Variants in RAP1GAP2 observed in about 807,000 individuals in gnomAD.
The protein encoded by RAP1GAP2 is RAP1 GTPase activating protein 2.
RAP1GAP2 carries 27 observed loss-of-function variants against 95.0 expected under a neutral mutation model. The observed-to-expected ratio is 0.28, with a 90% CI of 0.21 to 0.39. The LOEUF (loss-of-function observed/expected upper bound fraction) is 0.39, where lower values mean the gene tolerates loss of function less well. Ranked by LOEUF, RAP1GAP2 falls within the 10% of genes least tolerant of loss-of-function variation. RAP1GAP2 has a pLI of 1.00. For synonymous variants in RAP1GAP2, 373 were observed against 380.9 expected (o/e 0.98, Z 0.24); for missense variants, 771 against 970.0 (o/e 0.79, Z 2.72).
chr17:2,790,805 G>A (rs962650975), intron 1 of RAP1GAP2, among the ~76,000 whole-genome samples: 8 of 152,194 alleles, frequency 5.3e-5, no homozygotes, highest in South Asian at 2.1e-4. Flanking sequence ...GTCCTGCCCC[G>A]AGGGCCAGGG....
chr17:2,932,584 CAAAAAAAAAAAA>C lies in RAP1GAP2; in HGVS notation c.166-25166_166-25155del, dbSNP rs71153311. Among the ~76,000 whole-genome samples the C allele has an allele frequency of 3.8e-5, 2 of 52,328 alleles. 1 individual carries two copies. The highest frequency in any genetic ancestry group is 7.3e-5 in the Non-Finnish European group (2 of 27,348). 34.3% of individuals were successfully genotyped at this position (52,328 alleles called of 152,430 possible). A position where few individuals can be genotyped will look rare whatever the true frequency, so the allele number is the denominator to read the frequency against. ...TGGGTGACAGAGTGAGACTCCATCT[CAAAAAAAAAAAA>C]AAAAAAAAGAGGAGCTCGAGACCAG... On this transcript the variant is annotated intron_variant, in intron 3 of 24. Coordinates refer to ENST00000254695, the MANE Select transcript of RAP1GAP2 (RefSeq NM_015085.5).
At chr17:2,929,610 T>C (rs1006886158) in intron 3 of RAP1GAP2, among the ~76,000 whole-genome samples, 1 of 152,212 alleles carries the variant, frequency 6.6e-6, no homozygotes, top group Non-Finnish European at 1.5e-5. Flanking sequence ...TTTCCCTGCA[T>C]GTGCCTCATG....
intron 8 of RAP1GAP2, among the ~76,000 whole-genome samples, chr17:2,973,322 G>A (rs1393857932): frequency 6.6e-6 from 1 of 151,962 alleles, no homozygotes; most frequent in Non-Finnish European, 1.5e-5. Context: ...TCGAGACCAG[G>A]CTGGCCAATG....
chr17:2,769,632 C>G (rs1319135975), intron 1 of RAP1GAP2, among the ~76,000 whole-genome samples: 4 of 152,128 alleles, frequency 2.6e-5, no homozygotes, highest in Non-Finnish European at 5.9e-5. Context: ...AGTCCAATGT[C>G]TTAGCCCTGT....
chr17:2,938,492 G>T (rs2043373260), intron 3 of RAP1GAP2, among the ~76,000 whole-genome samples: 1 of 152,140 alleles, frequency 6.6e-6, no homozygotes, highest in Non-Finnish European at 1.5e-5. Context: ...TCCCTGGGCT[G>T]AGCCGGGGCT....
At position 3,026,973 on chromosome 17, in the gene RAP1GAP2, C is replaced by T. The variant is rs1042457722; in HGVS notation, c.2010C>T (p.Phe670=). ...GCCAGCCGTCCACGACCTCACCCTT[C>T]AAGCAGGAGGTGTTTGTCTACAGCC... ...GGSQPSTTSP[F]KQEVFVYSPS... The change falls in exon 22 of 25, where the codon TTC becomes TTT. Residue 670 remains phenylalanine (F), a synonymous_variant. Transcript: ENST00000254695. 1 of 1,554,244 alleles carries T rather than the reference C, an allele frequency of 6.4e-7. No individual in the cohort carries two copies.
At position 3,016,778 on chromosome 17, in the gene RAP1GAP2, A is replaced by G. The variant is rs575075610; in HGVS notation, c.1495-1283A>G. Among the ~76,000 whole-genome samples the G allele has an allele frequency of 1.3e-3, 200 of 152,336 alleles. 1 individual carries two copies. Among genetic ancestry groups the G allele is most frequent in the Non-Finnish European group, 2.2e-3 (152 of 68,026 alleles). On this transcript the variant is annotated intron_variant, in intron 17 of 24. Transcript: ENST00000254695. ...TATTCTCACAACTACTCTGTGGTGT[A>G]GACACCAACATCTCTTTCACTCTAA...
intron 1 of RAP1GAP2, among the ~76,000 whole-genome samples, chr17:2,759,785 C>T (rs2071210383): frequency 1.3e-5 from 2 of 152,034 alleles, no homozygotes; most frequent in Admixed American, 1.3e-4. Flanking sequence ...CAGGTTTTCA[C>T]CATGTTGCCC....
chr17:2,988,068 G>A (rs927996358), intron 11 of RAP1GAP2, among the ~76,000 whole-genome samples: 11 of 152,168 alleles, frequency 7.2e-5, no homozygotes, highest in Admixed American at 5.9e-4. Flanking sequence ...AAATTAGCCA[G>A]GAGTGGTGGT....
At chr17:2,913,293 C>CTT (rs1387658970) in intron 3 of RAP1GAP2, among the ~76,000 whole-genome samples, 9 of 149,606 alleles carry the variant, frequency 6.0e-5, no homozygotes, top group African/African-American at 2.2e-4. Flanking sequence ...TAATTCTGTT[C>CTT]TCTTTTTTTT....
At chr17:2,780,579 G>T (rs2068623091) in intron 1 of RAP1GAP2, among the ~76,000 whole-genome samples, 1 of 152,212 alleles carries the variant, frequency 6.6e-6, no homozygotes, top group Non-Finnish European at 1.5e-5. Context: ...AGGTCACAGA[G>T]TGGGGAAGGT....
rs761439874 is a variant in RAP1GAP2, at chr17:2,998,335, G to A, written c.1159G>A (p.Val387Met). 1.1e-5 allele frequency: 17 copies of A among 1,613,872 alleles called. No homozygotes were observed. In the Admixed American group the frequency reaches 1.5e-4, roughly 14 times the overall value. ...ASNFLHAYIV[V>M]QVETPGTETP... ...CAATTTCTTACATGCCTACATCGTC[G>A]TGCAGGTCGAGACCCCAGGCACAGA... Residue 387 changes from valine (V) to methionine (M), a missense_variant, in exon 14 of 25, where the codon GTG becomes ATG. Transcript: ENST00000254695.
At chr17:2,793,840 C>T (rs2068994891), upstream of RAP1GAP2, among the ~76,000 whole-genome samples, 1 of 152,132 alleles carries the variant, frequency 6.6e-6, no homozygotes, top group Admixed American at 6.6e-5. Flanking sequence ...GTGGCTCCCG[C>T]CTGGAATCCC....
intron 3 of RAP1GAP2, among the ~76,000 whole-genome samples, chr17:2,914,591 C>T (rs1015950443): frequency 6.6e-6 from 1 of 150,804 alleles, no homozygotes; most frequent in Non-Finnish European, 1.5e-5. Flanking sequence ...CCTGGGTTCA[C>T]ACCATTCTCC....
In RAP1GAP2 at chr17:3,029,905, C is replaced by T. The variant is rs1223803213; in HGVS notation, c.2108-1017C>T. Among the ~76,000 whole-genome samples, 3 of 152,102 alleles carry T rather than the reference C, an allele frequency of 2.0e-5. No individual in the cohort carries two copies. The East Asian group carries it at 5.8e-4, about 29-fold the overall frequency. On this transcript the variant is annotated intron_variant, in intron 22 of 24. Transcript: ENST00000254695. This position sits in a 1 kb window ranked among gnomAD's most constrained non-coding sequence, Gnocchi z 4.4. The stretch of plus-strand genomic sequence containing the variant: ...AAGTCCCATATGTCCAACTGATTCT[C>T]ACAGAATGCTTTTAGTGGTGTTTGC...
At chr17:2,761,332 A>G (rs11868975) in intron 1 of RAP1GAP2, among the ~76,000 whole-genome samples, 11,540 of 137,944 alleles carry the variant, frequency 0.084, 661 homozygotes, top group African/African-American at 0.19. Flanking sequence ...CTTGTTGCCC[A>G]GGCTGGAGTG....
chr17:2,828,277 G>A (rs905360585), intron 2 of RAP1GAP2, among the ~76,000 whole-genome samples: 7 of 152,110 alleles, frequency 4.6e-5, no homozygotes, highest in Non-Finnish European at 8.8e-5. Flanking sequence ...GGAGGCGGAG[G>A]TTGCAGTGAG....
At chr17:2,847,891 A>G (rs915800749) in intron 2 of RAP1GAP2, among the ~76,000 whole-genome samples, 4 of 152,190 alleles carry the variant, frequency 2.6e-5, no homozygotes, top group African/African-American at 9.7e-5. Context: ...GAAATTTCAC[A>G]CACAGAAGGA....
rs560321746 is a variant in RAP1GAP2, at chr17:3,037,587, A to C, written c.*4226A>C. On this transcript the variant is annotated 3_prime_UTR_variant, in exon 25 of 25. Transcript: ENST00000254695. Reference sequence around the variant, plus strand: ...GGTGATTCGTAGATCCCAACTGCCTATGTAATGTAAATAATGTACATTTAA... The same window carrying C: ...GGTGATTCGTAGATCCCAACTGCCTCTGTAATGTAAATAATGTACATTTAA... 1 of 152,600 alleles carries C rather than the reference A, an allele frequency of 6.6e-6. No homozygotes were observed. The highest frequency in any genetic ancestry group is 1.9e-4 in the East Asian group (1 of 5,168). 9.5% of individuals were successfully genotyped at this position (152,600 alleles called of 1,614,324 possible).
Sources: gnomAD v4.1 joint callset for allele counts (sites outside exome capture counted in the v4.1 genomes callset) on GRCh38, gnomAD v4.1.1 for gene constraint, Gnocchi (gnomAD v3.1) non-coding constraint, MANE v1.5 for transcripts, NCBI Gene and HGNC (gene_info 2026-07-23, HGNC 2026-07-21) for gene names.